Variants in TMEM217 observed in about 807,000 individuals in gnomAD.
TMEM217 encodes chromosome 6 open reading frame 128.
For synonymous variants in TMEM217, 76 were observed against 88.3 expected, an observed-to-expected ratio of 0.86 and a Z score of 0.78; for missense variants, 204 against 248.8, an observed-to-expected ratio of 0.82 and a Z score of 1.21.
chr6:37,230,762 C>T (rs1234423096), intron 1 of TMEM217, among the ~76,000 whole-genome samples: 2 of 152,110 alleles, frequency 1.3e-5, no homozygotes, highest in East Asian at 3.8e-4. Context: ...AATAAAGGGG[C>T]CAAAATTCTG....
chr6:37,230,103 C>T (rs1184477983), intron 1 of TMEM217, among the ~76,000 whole-genome samples: 1 of 152,238 alleles, frequency 6.6e-6, no homozygotes, highest in Non-Finnish European at 1.5e-5. Flanking sequence ...CCTTCCAGGC[C>T]TTGCTCCTGA....
At chr6:37,222,313 T>TC (rs1230314962) in intron 1 of TMEM217, among the ~76,000 whole-genome samples, 1 of 152,114 alleles carries the variant, frequency 6.6e-6, no homozygotes, top group Non-Finnish European at 1.5e-5. Flanking sequence ...CCCGCTGCCA[T>TC]CCATGGCCCC....
intron 1 of TMEM217, among the ~76,000 whole-genome samples, chr6:37,229,293 C>T (rs2113849265): frequency 6.9e-6 from 1 of 144,752 alleles, no homozygotes; most frequent in Admixed American, 7.1e-5. Context: ...CGCTCTTCAA[C>T]AGGACTTTGG....
chr6:37,257,310 C>T (rs1413606475), intron 1 of TMEM217, among the ~76,000 whole-genome samples: 1 of 152,108 alleles, frequency 6.6e-6, no homozygotes, highest in African/African-American at 2.4e-5. Flanking sequence ...GCTATCGGGT[C>T]CCTGCTGACC....
chr6:37,220,894 TTG>T (rs1318648879), intron 1 of TMEM217, among the ~76,000 whole-genome samples: 4 of 152,110 alleles, frequency 2.6e-5, no homozygotes, highest in African/African-American at 7.2e-5. Flanking sequence ...TTTAAAATTT[TTG>T]TTTTACTTTT....
intron 1 of TMEM217, among the ~76,000 whole-genome samples, chr6:37,250,703 G>A (rs529406844): frequency 9.9e-5 from 15 of 152,272 alleles, no homozygotes; most frequent in East Asian, 1.9e-4. Flanking sequence ...GCGTGTGCAC[G>A]CACACACACA....
chr6:37,216,372 C>T (rs1763207345), downstream of TMEM217, among the ~76,000 whole-genome samples: 1 of 152,102 alleles, frequency 6.6e-6, no homozygotes, highest in Admixed American at 6.6e-5. Context: ...AGCCCCTGCG[C>T]CTGGCCCGAT....
downstream of TMEM217, chr6:37,215,132 T>C (rs957818302): frequency 6.3e-7 from 1 of 1,595,716 alleles, no homozygotes; most frequent in Non-Finnish European, 8.6e-7. Flanking sequence ...ACTATAATAA[T>C]GGCCTAACTT....
intron 1 of TMEM217, among the ~76,000 whole-genome samples, chr6:37,228,731 C>T (rs549014869): frequency 6.6e-6 from 1 of 151,658 alleles, no homozygotes; most frequent in Admixed American, 6.6e-5. Flanking sequence ...GGCGCAGTGG[C>T]TCACGCCTAT....
chr6:37,252,635 A>T lies in TMEM217; in HGVS notation c.-12+4933T>A, dbSNP rs58422345. Among the ~76,000 whole-genome samples the T allele has an allele frequency of 4.9e-3, 298 of 60,300 alleles. 2 individuals carry two copies. The highest frequency in any genetic ancestry group is 0.017 in the African/African-American group (282 of 16,760). 39.6% of individuals were successfully genotyped at this position (60,300 alleles called of 152,430 possible). ...TGTGTGTGTATATATATATATATAT[A>T]TATTTTTTTTTTTTTTTTTTTTTTG... On this transcript the variant is annotated intron_variant, in intron 1 of 1. Coordinates refer to ENST00000357219, the Ensembl canonical transcript of TMEM217.
intron 1 of TMEM217, among the ~76,000 whole-genome samples, chr6:37,222,072 T>C (rs976663241): frequency 6.6e-6 from 1 of 152,184 alleles, no homozygotes; most frequent in Non-Finnish European, 1.5e-5. Flanking sequence ...TCTGCTCTCT[T>C]CGTCCTCTAG....
exon 2 of TMEM217, chr6:37,218,481 T>C (rs925409026): frequency 6.2e-6 from 10 of 1,613,898 alleles, no homozygotes; most frequent in African/African-American, 2.7e-5. Flanking sequence ...CCACTCGAAA[T>C]TGATAATCTT....
chr6:37,214,694 G>A (rs1213435862), downstream of TMEM217, among the ~76,000 whole-genome samples: 1 of 152,052 alleles, frequency 6.6e-6, no homozygotes, highest in African/African-American at 2.4e-5. Context: ...TTTGTCCTTC[G>A]GTATCTGGCT....
chr6:37,256,423 A>G (rs1172251662), intron 1 of TMEM217, among the ~76,000 whole-genome samples: 1 of 152,202 alleles, frequency 6.6e-6, no homozygotes, highest in African/African-American at 2.4e-5. Context: ...TGGTCACTGC[A>G]TCCTAAGAAA....
intron 1 of TMEM217, among the ~76,000 whole-genome samples, chr6:37,249,509 C>G (rs369273882): frequency 6.6e-6 from 1 of 152,022 alleles, no homozygotes; most frequent in Non-Finnish European, 1.5e-5. Flanking sequence ...TTAGTGGAGA[C>G]GGGGTTTCAC....
intron 1 of TMEM217, among the ~76,000 whole-genome samples, chr6:37,249,814 G>A (rs901651081): frequency 4.6e-5 from 7 of 152,184 alleles, no homozygotes; most frequent in Admixed American, 1.3e-4. Flanking sequence ...GTGTAAAGTA[G>A]TATGACCACT....
At chr6:37,226,333 C>T (rs1763832294) in intron 1 of TMEM217, among the ~76,000 whole-genome samples, 1 of 131,428 alleles carries the variant, frequency 7.6e-6, no homozygotes, top group Non-Finnish European at 1.5e-5. Flanking sequence ...CGCTCTTTCG[C>T]CCAGGCTGGA....
chr6:37,236,103 C>T (rs1168881561), intron 1 of TMEM217, among the ~76,000 whole-genome samples: 3 of 152,100 alleles, frequency 2.0e-5, no homozygotes, highest in South Asian at 2.1e-4. Context: ...TTAACATCAT[C>T]GTGTTTGAAC....
In TMEM217 at chr6:37,256,980, T is replaced by A. The variant is rs571751935; in HGVS notation, c.-12+588A>T. 5.3e-5 allele frequency among the ~76,000 whole-genome samples: 8 copies of A among 152,316 alleles called. No homozygotes were observed. The East Asian group carries it at 1.2e-3, about 22-fold the overall frequency. On this transcript the variant is annotated intron_variant, in intron 1 of 1. Transcript: ENST00000357219. ...AATAAATTCAAGGGTGCAAGATTTATAATAGATTAACAAGGGAAATTAAGG... is the reference window on the plus strand; with the variant it reads ...AATAAATTCAAGGGTGCAAGATTTAAAATAGATTAACAAGGGAAATTAAGG...
Sources: allele counts gnomAD v4.1 joint callset (sites outside exome capture counted in the v4.1 genomes callset), GRCh38; gene constraint gnomAD v4.1.1; transcripts MANE v1.5; gene names NCBI Gene and HGNC (gene_info 2026-07-23, HGNC 2026-07-21).